STK32B: variants seen among roughly 807,000 people sequenced by gnomAD.
The protein encoded by STK32B is serine/threonine kinase 32B.
In STK32B, 43 loss-of-function variants were observed where a neutral mutation model predicts 52.6. The ratio of observed to expected loss-of-function variants is 0.82; its 90% CI spans 0.64 to 1.05. The LOEUF is 1.05. STK32B is among the 50% of genes least tolerant of loss of function. The probability of loss-of-function intolerance (pLI) is 0.00; values close to 1 mark genes in which losing one functional copy is unlikely to be tolerated. For synonymous variants in STK32B, 238 were observed against 204.3 expected, an observed-to-expected ratio of 1.17 and a Z score of -1.41; for missense variants, 621 against 534.6, an observed-to-expected ratio of 1.16 and a Z score of -1.59.
chr4:5,173,213 G>T (rs1242849772), intron 3 of STK32B, among the ~76,000 whole-genome samples: 2 of 151,574 alleles, frequency 1.3e-5, no homozygotes, highest in Non-Finnish European at 2.9e-5. Context: ...TTCTTTATTA[G>T]TCTTGCAGTC....
chr4:5,467,537 CA>C lies in STK32B; in HGVS notation c.1042-468del, dbSNP rs1717540357. Among the ~76,000 whole-genome samples, 1 of 152,176 alleles carries C rather than the reference CA, an allele frequency of 6.6e-6. No homozygotes were observed. The highest frequency in any genetic ancestry group is 2.4e-5 in the African/African-American group (1 of 41,440). On this transcript the variant is annotated intron_variant, in intron 10 of 11. Transcript: ENST00000282908. This position sits in a 1 kb window ranked among gnomAD's most constrained non-coding sequence, Gnocchi z 5.8. ...CTGTGACTTCATCTTAACTGGATTA[CA>C]TCTGTAAAGGTTCTATTTCCAAATA...
At chr4:5,356,265 C>A (rs1734165633) in intron 4 of STK32B, among the ~76,000 whole-genome samples, 1 of 152,180 alleles carries the variant, frequency 6.6e-6, no homozygotes, top group African/African-American at 2.4e-5. Flanking sequence ...TCCTCCCTGT[C>A]TTCCTGTCTC....
In STK32B at chr4:5,362,444, T is replaced by C. The variant is rs534378127; in HGVS notation, c.434+31051T>C. The stretch of plus-strand genomic sequence containing the variant: ...TTGGGCTAATTGATGCGCCTTTGGA[T>C]AACTAAGGGTACAGGTAGAAGACAG... On this transcript the variant is annotated intron_variant, in intron 4 of 11. Transcript: ENST00000282908. 8.7e-4 allele frequency among the ~76,000 whole-genome samples: 133 copies of C among 152,326 alleles called. 1 individual carries two copies. Among genetic ancestry groups the C allele is most frequent in the African/African-American group, 3.1e-3 (130 of 41,574 alleles).
chr4:5,023,291 T>C, the STK32B span, among the ~76,000 whole-genome samples: 1 of 152,206 alleles, frequency 6.6e-6, no homozygotes, highest in Non-Finnish European at 1.5e-5. Flanking sequence ...GAAACAAGCA[T>C]ACTGTCTCTC....
intron 3 of STK32B, among the ~76,000 whole-genome samples, chr4:5,191,815 T>G (rs1721227624): frequency 6.6e-6 from 1 of 152,092 alleles, no homozygotes. Flanking sequence ...TAAATTGCAA[T>G]TTGTAGAATT....
At chr4:5,060,303 A>G (rs1742170863) in intron 1 of STK32B, among the ~76,000 whole-genome samples, 1 of 152,214 alleles carries the variant, frequency 6.6e-6, no homozygotes, top group South Asian at 2.1e-4. Context: ...GTTTATTGAC[A>G]TAACATTATT....
chr4:5,182,145 G>C (rs970774719), intron 3 of STK32B, among the ~76,000 whole-genome samples: 1 of 152,164 alleles, frequency 6.6e-6, no homozygotes, highest in Non-Finnish European at 1.5e-5. Context: ...GTTCAAGTGT[G>C]GTCATGAGAT....
intron 5 of STK32B, among the ~76,000 whole-genome samples, chr4:5,413,755 T>C (rs1008223912): frequency 7.9e-5 from 12 of 152,148 alleles, no homozygotes; most frequent in Non-Finnish European, 1.6e-4. Context: ...TGACCAAGGG[T>C]CTGAGAGGCT....
rs749089391 is a variant in STK32B, at chr4:5,498,916, C to CACTA, written c.1107-25_1107-22dup. The CACTA allele has an allele frequency of 1.0e-5, 16 of 1,600,620 alleles. No homozygotes were observed. In the East Asian group the frequency reaches 2.7e-4, roughly 27 times the overall value. On this transcript the variant is annotated intron_variant, in intron 11 of 11. Coordinates refer to ENST00000282908, the MANE Select transcript of STK32B (RefSeq NM_018401.3). ...GTGCCTCCACAACCCCATGCCGCACCACTAACTCAGATCTGTGCTTGTTTG... is the reference window on the plus strand; with the variant it reads ...GTGCCTCCACAACCCCATGCCGCACCACTAACTAACTCAGATCTGTGCTTGTTTG...
In STK32B at chr4:5,168,190, G is replaced by A. The variant is rs1577132840; in HGVS notation, c.109-109G>A. The A allele has an allele frequency of 3.5e-6, 5 of 1,420,724 alleles. No individual in the cohort carries two copies. In the East Asian group the frequency reaches 1.2e-4, roughly 35 times the overall value. 88.0% of individuals were successfully genotyped at this position (1,420,724 alleles called of 1,614,324 possible). ...GAGCTGCTCCCCTAGCAGATTTCAAGAACAGGGACGTGAATCCAGAAGTAA... is the reference window on the plus strand; with the variant it reads ...GAGCTGCTCCCCTAGCAGATTTCAAAAACAGGGACGTGAATCCAGAAGTAA... On this transcript the variant is annotated intron_variant, in intron 2 of 11. Coordinates refer to ENST00000282908, the MANE Select transcript of STK32B (RefSeq NM_018401.3).
At chr4:5,075,357 G>T (rs533546459) in intron 1 of STK32B, among the ~76,000 whole-genome samples, 2 of 152,118 alleles carry the variant, frequency 1.3e-5, no homozygotes, top group Non-Finnish European at 2.9e-5. Context: ...AAACCCGAAG[G>T]TTTTATTAAT....
chr4:5,034,512 A>G, the STK32B span, among the ~76,000 whole-genome samples: 1 of 152,204 alleles, frequency 6.6e-6, no homozygotes, highest in African/African-American at 2.4e-5. Context: ...CATGGTTTAT[A>G]TAAGCACCAC....
chr4:5,256,824 G>T (rs1299990888), intron 3 of STK32B, among the ~76,000 whole-genome samples: 1 of 152,168 alleles, frequency 6.6e-6, no homozygotes, highest in Admixed American at 6.5e-5. Flanking sequence ...AATGAACGAT[G>T]TCAGGTGTTT....
rs545546225 is a variant in STK32B, at chr4:5,289,451, C to CTT, written c.261-41761_261-41760dup. Among the ~76,000 whole-genome samples the CTT allele has an allele frequency of 3.3e-3, 498 of 151,178 alleles. 2 individuals are homozygous for CTT. Among genetic ancestry groups the CTT allele is most frequent in the African/African-American group, 0.012 (475 of 41,256 alleles). ...TAGGCTACACTAAATTTATTTTATT[C>CTT]TTTTTTTTTGAGACGGAGTCTCGCT... On this transcript the variant is annotated intron_variant, in intron 3 of 11. Coordinates refer to ENST00000282908, the MANE Select transcript of STK32B (RefSeq NM_018401.3).
chr4:5,050,050 T>C (rs1475604696), upstream of STK32B, among the ~76,000 whole-genome samples: 6 of 152,214 alleles, frequency 3.9e-5, no homozygotes, highest in African/African-American at 1.4e-4. Context: ...CTGGGTAGAA[T>C]GAGCCCAGAG....
At chr4:5,063,752 A>G (rs535607064) in intron 1 of STK32B, among the ~76,000 whole-genome samples, 4 of 152,222 alleles carry the variant, frequency 2.6e-5, no homozygotes, top group Non-Finnish European at 5.9e-5. Flanking sequence ...GTTAGCTACA[A>G]TTAAAGTGTT....
intron 3 of STK32B, among the ~76,000 whole-genome samples, chr4:5,179,106 C>T (rs1366925883): frequency 1.3e-5 from 2 of 152,198 alleles, no homozygotes; most frequent in Non-Finnish European, 2.9e-5. Context: ...GCTGGGGAAG[C>T]CTCAGGAAAC....
Position 5,311,918 on chromosome 4 carries a change from T to A in STK32B, c.261-19302T>A, listed in dbSNP as rs182498903. Among the ~76,000 whole-genome samples, 534 of 137,156 alleles carry A rather than the reference T, an allele frequency of 3.9e-3. 5 individuals carry two copies. Among genetic ancestry groups the A allele is most frequent in the African/African-American group, 0.015 (479 of 32,006 alleles). The allele number at this position is 137,156 out of a possible 152,430, so 90.0% of individuals were successfully genotyped here. On this transcript the variant is annotated intron_variant, in intron 3 of 11. Coordinates refer to ENST00000282908, the MANE Select transcript of STK32B (RefSeq NM_018401.3). ...TGCATACTTTTATATATATATATTT[T>A]TTTTTAAAGTTTATTCTTATTTTTA...
At chr4:5,277,061 C>G (rs1371230563) in intron 3 of STK32B, among the ~76,000 whole-genome samples, 4 of 152,226 alleles carry the variant, frequency 2.6e-5, no homozygotes, top group Admixed American at 6.5e-5. Context: ...TTCATTCTCC[C>G]TGACTCCAAA....
Sources: allele counts gnomAD v4.1 joint callset (sites outside exome capture counted in the v4.1 genomes callset), GRCh38; gene constraint gnomAD v4.1.1; non-coding constraint Gnocchi (gnomAD v3.1); transcripts MANE v1.5; gene names NCBI Gene and HGNC (gene_info 2026-07-23, HGNC 2026-07-21).